The following NTRK2 variants were observed in gnomAD, a reference collection of about 807,000 sequenced individuals.
NTRK2 encodes the protein BDNF/NT-3 growth factors receptor.
In NTRK2, 13 loss-of-function variants were observed where a neutral mutation model predicts 94.5. The ratio of observed to expected loss-of-function variants is 0.14; its 90% CI spans 0.09 to 0.22. The LOEUF is 0.22. Among genes scored for constraint, NTRK2 ranks in the 10% least tolerant of loss-of-function variants. NTRK2 has a pLI of 1.00. For synonymous variants in NTRK2, 372 were observed against 407.4 expected, an observed-to-expected ratio of 0.91 and a Z score of 1.05; for missense variants, 639 against 1,071.2, an observed-to-expected ratio of 0.60 and a Z score of 5.63.
At chr9:84,906,068 G>T (rs2077067675) in intron 14 of NTRK2, among the ~76,000 whole-genome samples, 1 of 152,208 alleles carries the variant, frequency 6.6e-6, no homozygotes, top group African/African-American at 2.4e-5. Context: ...GCTGGAAATG[G>T]GAACTGAGCT....
chr9:85,016,490 C>T (rs1208973472), intron 17 of NTRK2, among the ~76,000 whole-genome samples: 1 of 152,184 alleles, frequency 6.6e-6, no homozygotes, highest in Non-Finnish European at 1.5e-5. Context: ...CCTGGGATCA[C>T]ATTCCATCTC....
intron 2 of NTRK2, among the ~76,000 whole-genome samples, chr9:84,692,435 C>G (rs1197131470): frequency 6.7e-6 from 1 of 149,756 alleles, no homozygotes; most frequent in African/African-American, 2.5e-5. Context: ...ATTTTACACA[C>G]AGTTTCTTTT....
intron 12 of NTRK2, among the ~76,000 whole-genome samples, chr9:84,786,455 T>C (rs1305114123): frequency 6.6e-6 from 1 of 152,204 alleles, no homozygotes; most frequent in African/African-American, 2.4e-5. Context: ...AGATTATTAT[T>C]TATTTTAATT....
intron 14 of NTRK2, among the ~76,000 whole-genome samples, chr9:84,906,393 T>G (rs1230110521): frequency 6.6e-6 from 1 of 152,088 alleles, no homozygotes; most frequent in Non-Finnish European, 1.5e-5. Flanking sequence ...AAAGTGTATT[T>G]GCCAGATTGA....
At chr9:84,853,724 C>T (rs1411865410) in intron 12 of NTRK2, among the ~76,000 whole-genome samples, 1 of 152,182 alleles carries the variant, frequency 6.6e-6, no homozygotes, top group Non-Finnish European at 1.5e-5. Flanking sequence ...CGTGTCCTCT[C>T]AGCTCTCACC....
intron 12 of NTRK2, among the ~76,000 whole-genome samples, chr9:84,847,975 G>T (rs2131851588): frequency 6.6e-6 from 1 of 152,216 alleles, no homozygotes; most frequent in Non-Finnish European, 1.5e-5. Context: ...TCAAGATGCT[G>T]GTTAGTTGGG....
At chr9:84,879,088 A>G (rs374705866) in intron 14 of NTRK2, among the ~76,000 whole-genome samples, 4 of 151,970 alleles carry the variant, frequency 2.6e-5, no homozygotes, top group Admixed American at 6.6e-5. Flanking sequence ...TAAAATTTTT[A>G]TTTGTTGTAT....
intron 12 of NTRK2, among the ~76,000 whole-genome samples, chr9:84,791,544 A>G (rs1038555181): frequency 9.9e-5 from 15 of 152,204 alleles, no homozygotes; most frequent in African/African-American, 3.1e-4. Context: ...GGTGGGGGGC[A>G]CAGACACCCT....
At chr9:84,757,879 G>A (rs1373935183) in intron 12 of NTRK2, among the ~76,000 whole-genome samples, 1 of 152,028 alleles carries the variant, frequency 6.6e-6, no homozygotes, top group East Asian at 1.9e-4. Context: ...TTGCTAGGAG[G>A]AAAGATATAT....
At chr9:84,820,886 A>G (rs2072770026) in intron 12 of NTRK2, among the ~76,000 whole-genome samples, 1 of 152,162 alleles carries the variant, frequency 6.6e-6, no homozygotes, top group Non-Finnish European at 1.5e-5. Flanking sequence ...AAGTTAAATG[A>G]CTTTTCCAAG....
chr9:84,883,903 G>C (rs1284961479), intron 14 of NTRK2, among the ~76,000 whole-genome samples: 1 of 152,164 alleles, frequency 6.6e-6, no homozygotes, highest in Non-Finnish European at 1.5e-5. Context: ...TTTCTCAAGA[G>C]AAAATATGCT....
At position 84,728,106 on chromosome 9, in the gene NTRK2, G is replaced by A. The variant is rs573441469; in HGVS notation, c.1159+147G>A. The A allele has an allele frequency of 3.9e-6, 3 of 771,438 alleles. No homozygotes were observed. In the Admixed American group the frequency reaches 6.1e-5, roughly 16 times the overall value. The allele number at this position is 771,438 out of a possible 1,614,324, so 47.8% of individuals were successfully genotyped here. A position where few individuals can be genotyped will look rare whatever the true frequency, so the allele number is the denominator to read the frequency against. On this transcript the variant is annotated intron_variant, in intron 9 of 18. Coordinates refer to ENST00000277120, the MANE Select transcript of NTRK2 (RefSeq NM_006180.6). ...TTGCTCATGGATCCATAGGTCAGCG[G>A]AGTGGTTTTATTTTGCATGTATTTA... is the stretch of plus-strand genomic sequence containing the variant.
intron 12 of NTRK2, among the ~76,000 whole-genome samples, chr9:84,843,964 A>G (rs184210445): frequency 1.7e-4 from 26 of 152,334 alleles, no homozygotes; most frequent in Admixed American, 6.5e-5. Flanking sequence ...GACAAGACAT[A>G]GAGGCAAGAC....
chr9:84,771,468 T>C (rs1435822334), intron 12 of NTRK2, among the ~76,000 whole-genome samples: 2 of 152,188 alleles, frequency 1.3e-5, no homozygotes, highest in Non-Finnish European at 2.9e-5. Context: ...GACTTCCTTC[T>C]AGTGTCCGTA....
intron 2 of NTRK2, among the ~76,000 whole-genome samples, chr9:84,681,156 A>G (rs2059366309): frequency 6.6e-6 from 1 of 152,084 alleles, no homozygotes; most frequent in Admixed American, 6.5e-5. Flanking sequence ...TTTCCCCATC[A>G]ATTATCAGTG....
At chr9:84,813,048 C>T (rs562317352) in intron 12 of NTRK2, 1 of 1,037,620 alleles carries the variant, frequency 9.6e-7, no homozygotes, top group African/African-American at 1.7e-5. Flanking sequence ...TTTATGTCTC[C>T]CATAAGAAAT....
chr9:84,734,263 C>T (rs1023357318), intron 9 of NTRK2, among the ~76,000 whole-genome samples: 5 of 152,158 alleles, frequency 3.3e-5, no homozygotes, highest in Non-Finnish European at 4.4e-5. Context: ...TAGGCAGGTG[C>T]TCAGTGTTAT....
intron 2 of NTRK2, among the ~76,000 whole-genome samples, chr9:84,689,140 C>G (rs2059893644): frequency 6.6e-6 from 1 of 152,236 alleles, no homozygotes; most frequent in Non-Finnish European, 1.5e-5. Flanking sequence ...GAGCTATCTT[C>G]AAATATGATT....
intron 12 of NTRK2, among the ~76,000 whole-genome samples, chr9:84,778,306 T>G (rs532049749): frequency 6.6e-6 from 1 of 152,252 alleles, no homozygotes; most frequent in African/African-American, 2.4e-5. Flanking sequence ...ATTGTGGGTT[T>G]AACTAGCTGA....
Sources: gnomAD v4.1 joint callset for allele counts (sites outside exome capture counted in the v4.1 genomes callset) on GRCh38, gnomAD v4.1.1 for gene constraint, MANE v1.5 for transcripts, NCBI Gene and HGNC (gene_info 2026-07-23, HGNC 2026-07-21) for gene names.